Variants in RBM27 observed in about 807,000 individuals in gnomAD.
RBM27 encodes RNA binding motif protein 27, also known as RNA-binding protein 27.
A neutral mutation model predicts 135.3 loss-of-function variants in RBM27; 22 were observed. The observed-to-expected ratio is 0.16, with a 90% CI of 0.12 to 0.23. The LOEUF (loss-of-function observed/expected upper bound fraction) is 0.23, where lower values mean the gene tolerates loss of function less well. Ranked by LOEUF, RBM27 falls within the 10% of genes least tolerant of loss-of-function variation. RBM27 has a pLI of 1.00. For synonymous variants in RBM27, 481 were observed against 442.4 expected (o/e 1.09, Z -1.10); for missense variants, 1,009 against 1,281.0 (o/e 0.79, Z 3.24).
intron 1 of RBM27, among the ~76,000 whole-genome samples, chr5:146,214,163 A>G (rs530224391): frequency 2.0e-4 from 31 of 152,216 alleles, no homozygotes; most frequent in Non-Finnish European, 4.1e-4. Context: ...ATTTATCTTT[A>G]CAAATTTACA....
intron 7 of RBM27, among the ~76,000 whole-genome samples, chr5:146,234,754 C>T (rs972853657): frequency 2.0e-5 from 3 of 151,842 alleles, no homozygotes; most frequent in Non-Finnish European, 4.4e-5. Context: ...GCAAATTAGG[C>T]TGGGCATGGT....
chr5:146,274,887 G>GT (rs1303047613), intron 19 of RBM27, among the ~76,000 whole-genome samples: 2 of 151,690 alleles, frequency 1.3e-5, no homozygotes, highest in African/African-American at 2.4e-5. Context: ...AATACTTTAG[G>GT]TTTTTTGTGA....
intron 14 of RBM27, 83 bp from the exon 15 acceptor site, chr5:146,267,566 G>T: frequency 1.2e-6 from 1 of 856,146 alleles, no homozygotes; most frequent in Non-Finnish European, 1.8e-6. Flanking sequence ...AGAAATATAT[G>T]CATCTTTTCT....
chr5:146,210,517 A>T (rs1755885919), intron 1 of RBM27, among the ~76,000 whole-genome samples: 2 of 152,248 alleles, frequency 1.3e-5, no homozygotes, highest in South Asian at 4.1e-4. Flanking sequence ...CAAAAAAAAA[A>T]ATATGTGAAA....
chr5:146,230,620 C>G, intron 5 of RBM27, 37 bp from the exon 6 acceptor site: 1 of 1,590,714 alleles, frequency 6.3e-7, no homozygotes, highest in South Asian at 1.1e-5. Context: ...AATATCTGAT[C>G]TCTTTGTTTT....
At chr5:146,254,852 T>A in intron 9 of RBM27, 91 bp from the exon 10 acceptor site, 1 of 1,173,822 alleles carries the variant, frequency 8.5e-7, no homozygotes, top group African/African-American at 1.6e-5. Flanking sequence ...AGAATATATG[T>A]TTTTTAAGCA....
intron 10 of RBM27, among the ~76,000 whole-genome samples, chr5:146,258,215 A>G (rs764261817): frequency 2.0e-5 from 3 of 152,082 alleles, no homozygotes; most frequent in Non-Finnish European, 2.9e-5. Flanking sequence ...TTTTTCATCT[A>G]TTGATCATCC....
chr5:146,240,494 T>C (rs555841962), intron 8 of RBM27, among the ~76,000 whole-genome samples: 1 of 152,214 alleles, frequency 6.6e-6, no homozygotes, highest in African/African-American at 2.4e-5. Context: ...ACCTGGCTAA[T>C]TTTTGTATTT....
intron 19 of RBM27, among the ~76,000 whole-genome samples, chr5:146,277,929 G>A (rs1312958810): frequency 6.6e-6 from 1 of 152,108 alleles, no homozygotes; most frequent in Non-Finnish European, 1.5e-5. Flanking sequence ...TACTTAGTCA[G>A]TGTGACTGCC....
At chr5:146,203,845 C>A (rs368505243) in intron 1 of RBM27, 21 bp downstream of exon 1, 1 of 1,026,612 alleles carries the variant, frequency 9.7e-7, no homozygotes, top group African/African-American at 2.3e-5. Flanking sequence ...CGGGCTGGGC[C>A]GGGGCCGGCG....
chr5:146,205,399 G>T (rs1182900417), intron 1 of RBM27, among the ~76,000 whole-genome samples: 1 of 152,204 alleles, frequency 6.6e-6, no homozygotes, highest in East Asian at 1.9e-4. Context: ...CATTAGGTCA[G>T]ATTGCATTAG....
intron 8 of RBM27, among the ~76,000 whole-genome samples, chr5:146,246,546 A>T (rs1193241807): frequency 1.3e-5 from 2 of 152,172 alleles, no homozygotes; most frequent in African/African-American, 4.8e-5. Context: ...GCGTGTGGGC[A>T]TGTGACTGTA....
At position 146,284,723 on chromosome 5, in the gene RBM27, C is replaced by T; in HGVS notation, c.3090C>T (p.Val1030=). ...CCACTGAGACTGAAGAAGAAGAAGT[C>T]AAGGAGGAGGTAAATTTAGTGGTTG... The part of the protein sequence containing the change: ...SISTETEEEE[V]KEEETETSDL... The change falls in exon 20 of 21, where the codon GTC becomes GTT. Residue 1030 remains valine, a synonymous_variant. Coordinates refer to ENST00000265271, the MANE Select transcript of RBM27 (RefSeq NM_018989.2). 4 of 1,596,462 alleles carry T rather than the reference C, an allele frequency of 2.5e-6. No individual in the cohort carries two copies. Among genetic ancestry groups the T allele is most frequent in the Non-Finnish European group, 3.4e-6 (4 of 1,166,740 alleles).
chr5:146,274,484 T>C (rs1038668598), intron 19 of RBM27, among the ~76,000 whole-genome samples: 28 of 152,178 alleles, frequency 1.8e-4, no homozygotes, highest in Admixed American at 4.6e-4. Flanking sequence ...GGTCTCAAAC[T>C]CCTGGCCTCC....
chr5:146,210,171 A>C (rs940860414), intron 1 of RBM27, among the ~76,000 whole-genome samples: 5 of 152,190 alleles, frequency 3.3e-5, no homozygotes, highest in Non-Finnish European at 5.9e-5. Flanking sequence ...ACCAAGCAAT[A>C]TGCTTGGCAC....
chr5:146,273,030 G>A (rs565715992), intron 19 of RBM27, among the ~76,000 whole-genome samples: 5 of 152,262 alleles, frequency 3.3e-5, no homozygotes, highest in African/African-American at 1.2e-4. Context: ...TGTGAAGGCC[G>A]CACGAATGTT....
chr5:146,285,932 C>T lies in RBM27; in HGVS notation c.3100-15C>T. Reference sequence around the variant, plus strand: ...TCTTGTGCCACTAAGCAGATTTTAACCTCTCTTTCTTCAGGAAACAGAAAC... The same window carrying T: ...TCTTGTGCCACTAAGCAGATTTTAATCTCTCTTTCTTCAGGAAACAGAAAC... On this transcript the variant is annotated splice_polypyrimidine_tract_variant and intron_variant, in intron 20 of 20. Coordinates refer to ENST00000265271, the MANE Select transcript of RBM27 (RefSeq NM_018989.2). 6.2e-7 allele frequency: 1 copy of T among 1,602,166 alleles called. No homozygotes were observed. Among genetic ancestry groups the T allele is most frequent in the Non-Finnish European group, 8.5e-7 (1 of 1,170,340 alleles).
At chr5:146,210,670 G>A (rs1755893850) in intron 1 of RBM27, among the ~76,000 whole-genome samples, 2 of 152,150 alleles carry the variant, frequency 1.3e-5, no homozygotes, top group South Asian at 2.1e-4. Flanking sequence ...GTTTATAGCC[G>A]GGCACGGTGG....
rs552092986 is a variant in RBM27, at chr5:146,266,370, A to G, written c.2332-1279A>G. ...CTATGAAGTAAAGGAGACTATAAAG[A>G]GATGTAACAAGTTGCACTTACATGG... On this transcript the variant is annotated intron_variant, in intron 14 of 20. Transcript: ENST00000265271. Among the ~76,000 whole-genome samples, 4 of 152,340 alleles carry G rather than the reference A, an allele frequency of 2.6e-5. No homozygotes were observed. In the South Asian group the frequency reaches 8.3e-4, roughly 32 times the overall value.
Sources: allele counts gnomAD v4.1 joint callset (sites outside exome capture counted in the v4.1 genomes callset), GRCh38; gene constraint gnomAD v4.1.1; transcripts MANE v1.5; gene names NCBI Gene and HGNC (gene_info 2026-07-23, HGNC 2026-07-21).